The following ELL variants were observed in gnomAD, a reference collection of about 807,000 sequenced individuals.
The protein encoded by ELL is RNA polymerase II elongation factor ELL.
Under a neutral mutation model 64.0 loss-of-function variants are expected in ELL, and 18 were observed. That is an observed-to-expected ratio of 0.28 (90% confidence interval 0.19 to 0.42). ELL has a LOEUF of 0.42. Ranked by LOEUF, ELL falls within the 10% of genes least tolerant of loss-of-function variation. The pLI is 1.00. For synonymous variants in ELL, 399 were observed against 376.2 expected, an observed-to-expected ratio of 1.06 and a Z score of -0.70; for missense variants, 797 against 870.4, an observed-to-expected ratio of 0.92 and a Z score of 1.06.
At chr19:18,483,620 G>A (rs1252388602) in intron 1 of ELL, among the ~76,000 whole-genome samples, 2 of 152,194 alleles carry the variant, frequency 1.3e-5, no homozygotes, top group Non-Finnish European at 1.5e-5. Context: ...GCTGCCCGAG[G>A]TCACAGCAGA....
chr19:18,481,090 T>C (rs1975290897), intron 1 of ELL, among the ~76,000 whole-genome samples: 1 of 152,198 alleles, frequency 6.6e-6, no homozygotes, highest in Non-Finnish European at 1.5e-5. Flanking sequence ...GACAGCACGC[T>C]GAGCAGGCCA....
intron 1 of ELL, among the ~76,000 whole-genome samples, chr19:18,511,961 C>T (rs1361959727): frequency 1.3e-5 from 2 of 151,862 alleles, no homozygotes; most frequent in African/African-American, 4.8e-5. Context: ...TCAAAACCAG[C>T]CTGGCCAAGA....
intron 2 of ELL, among the ~76,000 whole-genome samples, chr19:18,466,775 T>C (rs931477126): frequency 6.6e-6 from 1 of 152,140 alleles, no homozygotes; most frequent in Non-Finnish European, 1.5e-5. Context: ...GACTGACACA[T>C]GAAGGGCGCT....
chr19:18,445,599 C>T (rs1974396372), intron 10 of ELL, among the ~76,000 whole-genome samples: 1 of 151,860 alleles, frequency 6.6e-6, no homozygotes, highest in African/African-American at 2.4e-5. Context: ...AGGAGAGATG[C>T]CCCAAGAACC....
At chr19:18,500,869 A>G (rs953526783) in intron 1 of ELL, among the ~76,000 whole-genome samples, 21 of 152,218 alleles carry the variant, frequency 1.4e-4, no homozygotes, top group Non-Finnish European at 2.5e-4. Flanking sequence ...AGCCTAATAC[A>G]GTTTGAGTGC....
At position 18,443,568 on chromosome 19, in the gene ELL, T is replaced by TG. The variant is rs35044188; in HGVS notation, c.*1183dup. ...ACACGCCTCAGACCCCACCATGCCC[T>TG]GGGGGGTCCCCACATACGCACACTC... is the stretch of plus-strand genomic sequence containing the variant. On this transcript the variant is annotated 3_prime_UTR_variant, in exon 12 of 12. Transcript: ENST00000262809. 2 of 233,372 alleles carry TG rather than the reference T, an allele frequency of 8.6e-6. No individual in the cohort carries two copies. Among genetic ancestry groups the TG allele is most frequent in the East Asian group, 6.0e-5 (1 of 16,552 alleles). The allele number at this position is 233,372 out of a possible 1,614,324, so 14.5% of individuals were successfully genotyped here.
chr19:18,484,470 A>T (rs1166760661), intron 1 of ELL, among the ~76,000 whole-genome samples: 4 of 152,126 alleles, frequency 2.6e-5, no homozygotes, highest in Admixed American at 2.6e-4. Flanking sequence ...GTCTCAAGAA[A>T]GAAAAATAAA....
chr19:18,450,490 T>C lies in ELL; in HGVS notation c.1452A>G (p.Pro484=). The C allele has an allele frequency of 1.2e-6, 2 of 1,612,794 alleles. No homozygotes were observed. The highest frequency in any genetic ancestry group is 1.7e-5 in the Admixed American group (1 of 60,012). ...CTGGGCACCTACCTGGGGTGTCTGCTGGGGCTCCGGGGGTGGCATGGGTGG... is the reference window on the plus strand; with the variant it reads ...CTGGGCACCTACCTGGGGTGTCTGCCGGGGCTCCGGGGGTGGCATGGGTGG... ...APATHATPGA[P]ADTPGLNGTC... is the part of the protein sequence containing the mutation. Residue 484 remains proline (P), a synonymous_variant, in exon 8 of 12, where the codon CCA becomes CCG. Transcript: ENST00000262809.
chr19:18,483,545 A>C (rs1285714544), intron 1 of ELL, among the ~76,000 whole-genome samples: 1 of 152,152 alleles, frequency 6.6e-6, no homozygotes, highest in Non-Finnish European at 1.5e-5. Context: ...CTCTCATCCT[A>C]AACTGCATGG....
chr19:18,445,562 G>T (rs1162455793), intron 10 of ELL, among the ~76,000 whole-genome samples: 2 of 149,628 alleles, frequency 1.3e-5, no homozygotes, highest in African/African-American at 4.9e-5. Context: ...GGGGTGGGGG[G>T]GTGCAGCAAA....
intron 1 of ELL, among the ~76,000 whole-genome samples, chr19:18,486,118 A>C (rs1406151636): frequency 6.6e-6 from 1 of 152,142 alleles, no homozygotes; most frequent in Non-Finnish European, 1.5e-5. Flanking sequence ...GGCAGGAAGC[A>C]ACAAGCCCCA....
Position 18,458,215 on chromosome 19 carries a change from C to T in ELL, c.859G>A (p.Val287Met), listed in dbSNP as rs749268169. 2 of 1,610,310 alleles carry T rather than the reference C, an allele frequency of 1.2e-6. No individual in the cohort carries two copies. Among genetic ancestry groups the T allele is most frequent in the South Asian group, 1.1e-5 (1 of 91,082 alleles). The part of the protein sequence containing the change: ...SEGDQQLLKR[V>M]LVRKLCQPQS... ...GGGAGGCGGCATTACCGGACGAGCA[C>T]CCGCTTCAGCAGCTGCTGGTCCCCC... The change falls in exon 6 of 12, where the codon GTG becomes ATG. Residue 287 changes from valine to methionine, a missense_variant. Coordinates refer to ENST00000262809, the MANE Select transcript of ELL (RefSeq NM_006532.4).
chr19:18,468,087 A>G (rs35004712), intron 2 of ELL, among the ~76,000 whole-genome samples: 41,842 of 144,228 alleles, frequency 0.29, 7,217 homozygotes, highest in African/African-American at 0.49. Context: ...AAACCCCTCC[A>G]CACACAAACC....
At chr19:18,480,066 G>T (rs971577758) in intron 1 of ELL, among the ~76,000 whole-genome samples, 2 of 152,194 alleles carry the variant, frequency 1.3e-5, no homozygotes, top group Admixed American at 6.5e-5. Flanking sequence ...TTCTTCAGAA[G>T]TCCATCTTGC....
At chr19:18,468,971 G>A (rs1473343373) in intron 2 of ELL, among the ~76,000 whole-genome samples, 1 of 152,182 alleles carries the variant, frequency 6.6e-6, no homozygotes, top group Non-Finnish European at 1.5e-5. Context: ...CTTCATAGTG[G>A]CCCTTCACCC....
intron 1 of ELL, among the ~76,000 whole-genome samples, chr19:18,516,839 C>G (rs952552336): frequency 6.6e-6 from 1 of 152,110 alleles, no homozygotes; most frequent in Non-Finnish European, 1.5e-5. Context: ...TACTGCTGAC[C>G]CCAGTTCTGA....
At chr19:18,469,198 C>T (rs1054629995) in intron 2 of ELL, among the ~76,000 whole-genome samples, 1 of 152,116 alleles carries the variant, frequency 6.6e-6, no homozygotes, top group African/African-American at 2.4e-5. Flanking sequence ...CGGTTGGCGT[C>T]CTTCAGGATG....
intron 5 of ELL, among the ~76,000 whole-genome samples, chr19:18,460,781 C>T (rs1193375717): frequency 6.6e-6 from 1 of 152,214 alleles, no homozygotes; most frequent in Non-Finnish European, 1.5e-5. Flanking sequence ...CCACTTCCAT[C>T]ATCCTAAAAG....
chr19:18,498,434 A>T (rs978538711), intron 1 of ELL, among the ~76,000 whole-genome samples: 2 of 152,234 alleles, frequency 1.3e-5, no homozygotes, highest in African/African-American at 4.8e-5. Context: ...AAGGGAAAAC[A>T]AAACTGTCTT....
Sources: gnomAD v4.1 joint callset for allele counts (sites outside exome capture counted in the v4.1 genomes callset) on GRCh38, gnomAD v4.1.1 for gene constraint, MANE v1.5 for transcripts, NCBI Gene and HGNC (gene_info 2026-07-23, HGNC 2026-07-21) for gene names.